STK32B: variants seen among roughly 807,000 people sequenced by gnomAD.
The protein encoded by STK32B is serine/threonine-protein kinase 32B.
A neutral mutation model predicts 52.6 loss-of-function variants in STK32B; 43 were observed. The ratio of observed to expected loss-of-function variants is 0.82; its 90% CI spans 0.64 to 1.05. The LOEUF (loss-of-function observed/expected upper bound fraction) is 1.05, where lower values mean the gene tolerates loss of function less well. Ranked by LOEUF, STK32B falls within the 50% of genes least tolerant of loss-of-function variation. The pLI, the probability that STK32B is intolerant of heterozygous loss-of-function variation, is 0.00. For missense variants in STK32B, 621 were observed against 534.6 expected (o/e 1.16, Z -1.59); for synonymous variants, 238 against 204.3 (o/e 1.17, Z -1.41).
At chr4:5,428,577 A>G (rs990561131) in intron 6 of STK32B, among the ~76,000 whole-genome samples, 5 of 152,200 alleles carry the variant, frequency 3.3e-5, no homozygotes, top group South Asian at 2.1e-4. Flanking sequence ...GATATGATCT[A>G]TCTTGGTTAA....
intron 5 of STK32B, among the ~76,000 whole-genome samples, chr4:5,411,484 A>C (rs1462320819): frequency 6.6e-6 from 1 of 152,264 alleles, no homozygotes; most frequent in Non-Finnish European, 1.5e-5. Flanking sequence ...CAATATATAC[A>C]ACTAAAAATA....
intron 1 of STK32B, among the ~76,000 whole-genome samples, chr4:5,069,102 A>G (rs1056454443): frequency 4.6e-5 from 7 of 152,028 alleles, no homozygotes; most frequent in Non-Finnish European, 1.0e-4. Context: ...TGGCAGTTGT[A>G]CAGATGCAGG....
intron 2 of STK32B, among the ~76,000 whole-genome samples, chr4:5,155,704 T>C (rs1717771535): frequency 6.6e-6 from 1 of 152,160 alleles, no homozygotes; most frequent in Admixed American, 6.5e-5. Context: ...GTGTGGCACT[T>C]CCTTGCTCTC....
intron 5 of STK32B, among the ~76,000 whole-genome samples, chr4:5,403,928 T>A (rs1560384977): frequency 2.0e-5 from 3 of 151,588 alleles, no homozygotes; most frequent in African/African-American, 7.3e-5. Flanking sequence ...ACCATATGGG[T>A]CCCAAGACTG....
At chr4:5,332,547 C>G (rs1577358533) in intron 4 of STK32B, among the ~76,000 whole-genome samples, 2 of 151,714 alleles carry the variant, frequency 1.3e-5, no homozygotes, top group East Asian at 1.9e-4. Flanking sequence ...GCACAATGTG[C>G]AGGTTAGTTA....
At chr4:5,129,517 TTTCTC>T (rs927962482) in intron 1 of STK32B, among the ~76,000 whole-genome samples, 4 of 152,216 alleles carry the variant, frequency 2.6e-5, no homozygotes, top group African/African-American at 4.8e-5. Flanking sequence ...GGATGAAACT[TTTCTC>T]TTCAAAACTT....
chr4:5,237,225 G>GGGA (rs1724697173), intron 3 of STK32B, among the ~76,000 whole-genome samples: 1 of 152,194 alleles, frequency 6.6e-6, no homozygotes, highest in South Asian at 2.1e-4. Flanking sequence ...TCCCTGTGAT[G>GGGA]GGAGGGAGGC....
intron 3 of STK32B, among the ~76,000 whole-genome samples, chr4:5,257,424 T>C (rs1335723717): frequency 6.6e-6 from 1 of 152,060 alleles, no homozygotes; most frequent in Non-Finnish European, 1.5e-5. Flanking sequence ...AGTGAATGAG[T>C]GAGTGATGAG....
chr4:5,088,635 G>A (rs1712873954), intron 1 of STK32B, among the ~76,000 whole-genome samples: 1 of 151,868 alleles, frequency 6.6e-6, no homozygotes, highest in Admixed American at 6.6e-5. Flanking sequence ...GTAACACAAA[G>A]GATAACTGTT....
rs567390249 is a variant in STK32B at position 5,366,444 on chromosome 4, A to G, written c.435-31763A>G. ...TGCCACTTGATCTCTGAGTCACAGG[A>G]ACAAGCTTATTAATCTCCTGGATAC... On this transcript the variant is annotated intron_variant, in intron 4 of 11. Transcript: ENST00000282908. Among the ~76,000 whole-genome samples the G allele has an allele frequency of 5.3e-5, 8 of 152,350 alleles. No homozygotes were observed. In the South Asian group the frequency reaches 1.7e-3, roughly 32 times the overall value.
intron 2 of STK32B, among the ~76,000 whole-genome samples, chr4:5,165,384 A>G (rs1201348720): frequency 6.6e-6 from 1 of 152,092 alleles, no homozygotes; most frequent in African/African-American, 2.4e-5. Flanking sequence ...GTCTCTTCCA[A>G]TTCCTAAAAT....
In STK32B at chr4:5,320,097, C is replaced by G. The variant is rs570387017; in HGVS notation, c.261-11123C>G. 3.2e-4 allele frequency among the ~76,000 whole-genome samples: 48 copies of G among 152,258 alleles called. 2 individuals carry two copies. The highest frequency in any genetic ancestry group is 8.9e-4 in the African/African-American group (37 of 41,546). On this transcript the variant is annotated intron_variant, in intron 3 of 11. Coordinates refer to ENST00000282908, the MANE Select transcript of STK32B (RefSeq NM_018401.3). ...GAGCCAATTCAAGTCTCCACTCTAC[C>G]TAGACGTCTCTTCCCCTTCAGAATC...
chr4:5,074,158 C>T (rs545118381), intron 1 of STK32B, among the ~76,000 whole-genome samples: 52 of 149,630 alleles, frequency 3.5e-4, no homozygotes, highest in African/African-American at 1.0e-3. Flanking sequence ...CACAGACTAC[C>T]GGAGATTCTG....
At chr4:5,301,759 GA>G (rs1729574397) in intron 3 of STK32B, among the ~76,000 whole-genome samples, 1 of 53,976 alleles carries the variant, frequency 1.9e-5, no homozygotes, top group African/African-American at 7.4e-5. Flanking sequence ...TTTTTTTTTT[GA>G]AAACTGTTAG....
chr4:5,339,161 T>G (rs930121751), intron 4 of STK32B, among the ~76,000 whole-genome samples: 7 of 152,186 alleles, frequency 4.6e-5, no homozygotes, highest in Non-Finnish European at 1.0e-4. Flanking sequence ...GCCTCCAATT[T>G]CTCAGGCCTT....
intron 9 of STK32B, among the ~76,000 whole-genome samples, chr4:5,461,359 C>G (rs539306440): frequency 6.6e-6 from 1 of 152,220 alleles, no homozygotes; most frequent in African/African-American, 2.4e-5. Context: ...TGGGGAGCCT[C>G]AGACGTCCCT....
intron 3 of STK32B, among the ~76,000 whole-genome samples, chr4:5,190,011 C>T (rs934126026): frequency 4.6e-5 from 7 of 152,136 alleles, no homozygotes; most frequent in African/African-American, 7.2e-5. Context: ...CCTTGTCTTC[C>T]CCACAAATCA....
chr4:5,338,478 G>C (rs1732853780), intron 4 of STK32B, among the ~76,000 whole-genome samples: 1 of 152,152 alleles, frequency 6.6e-6, no homozygotes, highest in African/African-American at 2.4e-5. Context: ...GTTCTTTACA[G>C]ATCAGTTGTA....
At chr4:5,333,787 A>G (rs1709614303) in intron 4 of STK32B, among the ~76,000 whole-genome samples, 1 of 151,600 alleles carries the variant, frequency 6.6e-6, no homozygotes, top group Non-Finnish European at 1.5e-5. Flanking sequence ...AGATAGTTGT[A>G]GATATGCGGC....
Sources: gnomAD v4.1 joint callset for allele counts (sites outside exome capture counted in the v4.1 genomes callset) on GRCh38, gnomAD v4.1.1 for gene constraint, MANE v1.5 for transcripts, NCBI Gene and HGNC (gene_info 2026-07-23, HGNC 2026-07-21) for gene names.